BORCS5: variants seen among roughly 807,000 people sequenced by gnomAD.
The protein encoded by BORCS5 is BLOC-1-related complex subunit 5.
In BORCS5, 17 loss-of-function variants were observed where a neutral mutation model predicts 22.1. The ratio of observed to expected loss-of-function variants is 0.77; its 90% confidence interval spans 0.53 to 1.15. The LOEUF is 1.15. BORCS5 is among the 50% of genes most tolerant of loss of function. The pLI, the probability that BORCS5 is intolerant of heterozygous loss-of-function variation, is 0.00. For synonymous variants in BORCS5, 117 were observed against 99.8 expected, an observed-to-expected ratio of 1.17 and a Z score of -1.03; for missense variants, 247 against 253.2, an observed-to-expected ratio of 0.98 and a Z score of 0.17.
chr12:12,451,148 A>C (rs1307192092), intron 3 of BORCS5, among the ~76,000 whole-genome samples: 1 of 151,670 alleles, frequency 6.6e-6, no homozygotes, highest in Non-Finnish European at 1.5e-5. Flanking sequence ...CTATGAGAAT[A>C]CATGGCAAGA....
chr12:12,371,352 G>A (rs903831429), intron 2 of BORCS5, among the ~76,000 whole-genome samples: 2 of 152,148 alleles, frequency 1.3e-5, no homozygotes, highest in African/African-American at 4.8e-5. Flanking sequence ...GAGTGCAGTG[G>A]CACAATCACG....
chr12:12,414,676 CG>C (rs1941871295), intron 2 of BORCS5, among the ~76,000 whole-genome samples: 1 of 88,770 alleles, frequency 1.1e-5, no homozygotes. Flanking sequence ...GGCGGCTGGC[CG>C]GGCGGGGGGC....
chr12:12,363,219 C>T (rs1415433795), intron 2 of BORCS5, among the ~76,000 whole-genome samples: 1 of 151,714 alleles, frequency 6.6e-6, no homozygotes, highest in Non-Finnish European at 1.5e-5. Context: ...ATCGCTTGAG[C>T]CCAGGAGGTC....
At chr12:12,405,983 T>C (rs568231585) in intron 2 of BORCS5, among the ~76,000 whole-genome samples, 1 of 152,396 alleles carries the variant, frequency 6.6e-6, no homozygotes, top group Admixed American at 6.5e-5. Context: ...ACTGAGCCAC[T>C]GCCAAGTACC....
rs1298162171 is a variant in BORCS5 at position 12,379,113 on chromosome 12, T to C, written c.202+17764T>C. 2.0e-5 allele frequency among the ~76,000 whole-genome samples: 3 copies of C among 150,316 alleles called. No homozygotes were observed. In the East Asian group the frequency reaches 5.8e-4, roughly 29 times the overall value. On this transcript the variant is annotated intron_variant, in intron 2 of 3. Coordinates refer to ENST00000314565, the MANE Select transcript of BORCS5 (RefSeq NM_058169.6). ...CTTTCTTTCTTCTTTCTTCTTTCTT[T>C]TCTCTTTTTTTTTTTTCTTTTTGGA... is the stretch of plus-strand genomic sequence containing the variant.
chr12:12,446,460 A>C (rs2136139857), intron 3 of BORCS5, among the ~76,000 whole-genome samples: 1 of 152,348 alleles, frequency 6.6e-6, no homozygotes, highest in East Asian at 1.9e-4. Flanking sequence ...CCAAATCCCA[A>C]GATTCTGTTC....
At chr12:12,427,618 G>C (rs759695647) in intron 2 of BORCS5, among the ~76,000 whole-genome samples, 5 of 152,082 alleles carry the variant, frequency 3.3e-5, no homozygotes, top group Non-Finnish European at 4.4e-5. Context: ...TTGTTTTTGG[G>C]GGTATCATAG....
chr12:12,402,065 CAAAAAA>C (rs550592058), intron 2 of BORCS5, among the ~76,000 whole-genome samples: 1 of 94,356 alleles, frequency 1.1e-5, no homozygotes, highest in Admixed American at 1.2e-4. Flanking sequence ...GACTCCGTCT[CAAAAAA>C]AAAAAAAAAA....
chr12:12,413,615 G>GGC (rs1941805585), intron 2 of BORCS5, among the ~76,000 whole-genome samples: 1 of 137,218 alleles, frequency 7.3e-6, no homozygotes, highest in African/African-American at 2.9e-5. Context: ...CAGACGGGTC[G>GGC]TGGCCGGGCA....
At chr12:12,411,649 CCTTTGGTGTCATACTTAA>C (rs538345955) in intron 2 of BORCS5, among the ~76,000 whole-genome samples, 4 of 151,990 alleles carry the variant, frequency 2.6e-5, no homozygotes, top group African/African-American at 9.7e-5. Context: ...GTTGCCAGTG[CCTTTGGTGTCATACTTAA>C]AACATTGTTG....
intron 3 of BORCS5, among the ~76,000 whole-genome samples, chr12:12,449,638 G>C (rs976987193): frequency 4.6e-5 from 7 of 152,312 alleles, no homozygotes; most frequent in Non-Finnish European, 1.0e-4. Context: ...TTCTTTTGAA[G>C]ACCTGAATAA....
At chr12:12,435,859 A>T in intron 3 of BORCS5, 74 bp downstream of exon 3, 4 of 1,444,532 alleles carry the variant, frequency 2.8e-6, no homozygotes, top group Non-Finnish European at 2.8e-6. Context: ...CCATCTTAAG[A>T]CTTGACATTT....
At chr12:12,454,416 T>C (rs4763830) in intron 3 of BORCS5, among the ~76,000 whole-genome samples, 93,347 of 152,100 alleles carry the variant, frequency 0.61, 29,845 homozygotes, top group African/African-American at 0.79. Flanking sequence ...GATTGCACTT[T>C]TCTAATGTCC....
intron 2 of BORCS5, among the ~76,000 whole-genome samples, chr12:12,431,349 C>A (rs1162427258): frequency 6.7e-6 from 1 of 149,984 alleles, no homozygotes; most frequent in African/African-American, 2.4e-5. Context: ...ATTGGTATTT[C>A]CTTTTCTGTG....
At chr12:12,410,649 G>C (rs1398339195) in intron 2 of BORCS5, among the ~76,000 whole-genome samples, 1 of 152,184 alleles carries the variant, frequency 6.6e-6, no homozygotes, top group Non-Finnish European at 1.5e-5. Flanking sequence ...ATAGTTTGAA[G>C]TCAGGTAGTA....
intron 2 of BORCS5, among the ~76,000 whole-genome samples, chr12:12,414,213 C>G (rs1941842140): frequency 2.2e-5 from 2 of 90,904 alleles, no homozygotes; most frequent in African/African-American, 9.1e-5. Context: ...GGGGGCTGAC[C>G]CCCCCACCTC....
At position 12,469,765 on chromosome 12, in the gene BORCS5, A is replaced by C. The variant is rs1423722649; in HGVS notation, c.*3989A>C. 4 of 152,244 alleles carry C rather than the reference A, an allele frequency of 2.6e-5. No individual in the cohort carries two copies. Among genetic ancestry groups the C allele is most frequent in the African/African-American group, 9.6e-5 (4 of 41,460 alleles). The allele number at this position is 152,244 out of a possible 1,614,324, so 9.4% of individuals were successfully genotyped here. The stretch of plus-strand genomic sequence containing the variant: ...ATATAGTGCTCAGCAGAAATTATTC[A>C]AAATGTTGATACTCAAGATTGAAGG... On this transcript the variant is annotated 3_prime_UTR_variant, in exon 4 of 4. Coordinates refer to ENST00000314565, the MANE Select transcript of BORCS5 (RefSeq NM_058169.6).
rs557347923 is a variant in BORCS5 at position 12,406,622 on chromosome 12, CAAAA to C, written c.203-29003_203-29000del. The stretch of plus-strand genomic sequence containing the variant: ...CTATGGTTTATCTTGCTGAAAATCT[CAAAA>C]AACCAAAAAACAAACAAACAAAAAA... On this transcript the variant is annotated intron_variant, in intron 2 of 3. Transcript: ENST00000314565. 3.0e-3 allele frequency among the ~76,000 whole-genome samples: 379 copies of C among 125,010 alleles called. 1 individual carries two copies. Among genetic ancestry groups the C allele is most frequent in the African/African-American group, 0.012 (345 of 28,908 alleles). 82.0% of individuals were successfully genotyped at this position (125,010 alleles called of 152,430 possible).
chr12:12,447,256 C>A (rs1257535819), intron 3 of BORCS5, among the ~76,000 whole-genome samples: 1 of 152,194 alleles, frequency 6.6e-6, no homozygotes, highest in Non-Finnish European at 1.5e-5. Context: ...TGCTGTGCCC[C>A]CTCCTGCTGG....
Sources: allele counts gnomAD v4.1 joint callset (sites outside exome capture counted in the v4.1 genomes callset), GRCh38; gene constraint gnomAD v4.1.1; transcripts MANE v1.5; gene names NCBI Gene and HGNC (gene_info 2026-07-23, HGNC 2026-07-21).